PCDHA13: variants seen among roughly 807,000 people sequenced by gnomAD.
The protein encoded by PCDHA13 is protocadherin alpha 13.
PCDHA13 carries 54 observed loss-of-function variants against 64.8 expected under a neutral mutation model. That is an observed-to-expected ratio of 0.83 (90% CI 0.67 to 1.04). The LOEUF (loss-of-function observed/expected upper bound fraction) is 1.04, where lower values mean the gene tolerates loss of function less well. Among genes scored for constraint, PCDHA13 ranks in the 50% least tolerant of loss-of-function variants. The pLI, the probability that PCDHA13 is intolerant of heterozygous loss-of-function variation, is 0.00. For missense variants in PCDHA13, 1,248 were observed against 1,254.3 expected (o/e 0.99, Z 0.08); for synonymous variants, 587 against 564.4 (o/e 1.04, Z -0.57).
chr5:141,004,092 C>T (rs1245515449), intron 3 of PCDHA13, among the ~76,000 whole-genome samples: 1 of 152,198 alleles, frequency 6.6e-6, no homozygotes, highest in Non-Finnish European at 1.5e-5. Context: ...TGTGCTTCTT[C>T]CGTTTTCATC....
At chr5:140,987,997 T>C (rs2097277277) in intron 3 of PCDHA13, among the ~76,000 whole-genome samples, 1 of 152,212 alleles carries the variant, frequency 6.6e-6, no homozygotes, top group African/African-American at 2.4e-5. Flanking sequence ...TCTCTGATCC[T>C]TCCCCAGAAA....
At chr5:141,001,216 G>A (rs938133871) in intron 3 of PCDHA13, among the ~76,000 whole-genome samples, 3 of 152,082 alleles carry the variant, frequency 2.0e-5, no homozygotes, top group African/African-American at 7.2e-5. Context: ...GCTGTATAAG[G>A]ATAGTTACAT....
chr5:140,929,992 C>T (rs1015837723), intron 1 of PCDHA13: 7 of 152,300 alleles, frequency 4.6e-5, no homozygotes, highest in East Asian at 1.9e-4. Flanking sequence ...TTGGGAATGA[C>T]ACCCTAAAAC....
Position 140,968,523 on chromosome 5 carries a change from A to T in PCDHA13, c.2395-10426A>T, listed in dbSNP as rs1441549667. ...CACATTCTGTACCCTACCTCAACCA[A>T]CTCGTCAGCAGCCTTCGAGATGGTG... On this transcript the variant is annotated intron_variant, in intron 1 of 3. Coordinates refer to ENST00000289272, the MANE Select transcript of PCDHA13 (RefSeq NM_018904.3). The T allele has an allele frequency of 1.3e-5, 21 of 1,613,762 alleles. No individual in the cohort carries two copies. Among genetic ancestry groups the T allele is most frequent in the Non-Finnish European group, 1.8e-5 (21 of 1,179,980 alleles).
chr5:140,905,664 T>A (rs1456741391), intron 1 of PCDHA13, among the ~76,000 whole-genome samples: 1 of 152,246 alleles, frequency 6.6e-6, no homozygotes, highest in African/African-American at 2.4e-5. Flanking sequence ...CTGTCATCCA[T>A]TAACATGGAA....
chr5:141,005,932 G>A (rs1588114868), intron 3 of PCDHA13, among the ~76,000 whole-genome samples: 2 of 152,074 alleles, frequency 1.3e-5, no homozygotes, highest in East Asian at 3.9e-4. Context: ...GGTTGACAGA[G>A]TGAGAACCTA....
chr5:140,942,223 G>A (rs1334170178), intron 1 of PCDHA13, among the ~76,000 whole-genome samples: 4 of 152,064 alleles, frequency 2.6e-5, no homozygotes, highest in African/African-American at 9.7e-5. Flanking sequence ...TTTAAAATGT[G>A]TAGGCAAATA....
At chr5:140,887,029 T>C (rs1308343052) in intron 1 of PCDHA13, among the ~76,000 whole-genome samples, 1 of 152,140 alleles carries the variant, frequency 6.6e-6, no homozygotes, top group Non-Finnish European at 1.5e-5. Flanking sequence ...AAAAATTTCT[T>C]TAATATTTTT....
chr5:140,967,633 T>G, intron 1 of PCDHA13: 2 of 1,614,106 alleles, frequency 1.2e-6, no homozygotes, highest in Non-Finnish European at 1.7e-6. Flanking sequence ...AGGGCTCCAA[T>G]GGTGAGCTCA....
At chr5:140,977,301 G>T (rs1478869150) in intron 1 of PCDHA13, among the ~76,000 whole-genome samples, 1 of 152,208 alleles carries the variant, frequency 6.6e-6, no homozygotes, top group Non-Finnish European at 1.5e-5. Context: ...CAGCTGACAA[G>T]CTAACGATAG....
chr5:140,904,177 AC>A (rs1185990725), intron 1 of PCDHA13, among the ~76,000 whole-genome samples: 1 of 151,302 alleles, frequency 6.6e-6, no homozygotes, highest in Non-Finnish European at 1.5e-5. Flanking sequence ...TTTATTCCTC[AC>A]CCCCTTCCCA....
chr5:140,926,885 GAGGGA>G (rs782449015), intron 1 of PCDHA13: 1 of 1,543,482 alleles, frequency 6.5e-7, no homozygotes, highest in Non-Finnish European at 8.7e-7. Context: ...TGGACGCCTA[GAGGGA>G]GGATGGTGGG....
At chr5:140,911,518 T>C (rs531265598) in intron 1 of PCDHA13, among the ~76,000 whole-genome samples, 1 of 152,346 alleles carries the variant, frequency 6.6e-6, no homozygotes, top group East Asian at 1.9e-4. Flanking sequence ...TATCTGCTTC[T>C]GAAGCTAGGA....
intron 1 of PCDHA13, among the ~76,000 whole-genome samples, chr5:140,890,661 A>G (rs1384784805): frequency 6.6e-6 from 1 of 152,198 alleles, no homozygotes; most frequent in Non-Finnish European, 1.5e-5. Flanking sequence ...TCAAAAGTTA[A>G]CTGAAACCCT....
chr5:140,971,843 G>T (rs1250084892), intron 1 of PCDHA13, among the ~76,000 whole-genome samples: 2 of 151,906 alleles, frequency 1.3e-5, no homozygotes, highest in Non-Finnish European at 2.9e-5. Flanking sequence ...TGCAAGTCAT[G>T]CGTTAAATAT....
chr5:140,992,097 A>G (rs1466699064), intron 3 of PCDHA13, among the ~76,000 whole-genome samples: 7 of 151,212 alleles, frequency 4.6e-5, no homozygotes, highest in Non-Finnish European at 1.0e-4. Flanking sequence ...GAGAAAGAGA[A>G]TTAAGGTGAG....
At chr5:140,968,341 C>T in intron 1 of PCDHA13, 1 of 1,614,132 alleles carries the variant, frequency 6.2e-7, no homozygotes, top group Non-Finnish European at 8.5e-7. Context: ...TCTCCATTAA[C>T]AGTGCCAGTG....
intron 1 of PCDHA13, chr5:140,966,173 A>C (rs2095976741): frequency 5.4e-6 from 1 of 184,728 alleles, no homozygotes; most frequent in Admixed American, 6.2e-5. Context: ...TTTCCTGGGG[A>C]GCTGATAGCC....
chr5:140,994,519 A>G (rs1378534275), intron 3 of PCDHA13, among the ~76,000 whole-genome samples: 2 of 148,690 alleles, frequency 1.3e-5, no homozygotes, highest in Non-Finnish European at 3.0e-5. Context: ...CCTGGGCAAC[A>G]TGGCAAAACC....
Sources: gnomAD v4.1 joint callset for allele counts (sites outside exome capture counted in the v4.1 genomes callset) on GRCh38, gnomAD v4.1.1 for gene constraint, MANE v1.5 for transcripts, NCBI Gene and HGNC (gene_info 2026-07-23, HGNC 2026-07-21) for gene names.